The following LSM14A variants were observed in gnomAD, a reference collection of about 807,000 sequenced individuals.
LSM14A encodes the protein protein LSM14 homolog A.
LSM14A carries 14 observed loss-of-function variants against 52.4 expected under a neutral mutation model. The observed-to-expected ratio is 0.27, with a 90% CI of 0.18 to 0.42. The LOEUF is 0.42. Ranked by LOEUF, LSM14A falls within the 10% of genes least tolerant of loss-of-function variation. The pLI, the probability that LSM14A is intolerant of heterozygous loss-of-function variation, is 1.00. For missense variants in LSM14A, 417 were observed against 581.8 expected (o/e 0.72, Z 2.91); for synonymous variants, 185 against 200.3 (o/e 0.92, Z 0.64).
chr19:34,210,761 G>A lies in LSM14A; in HGVS notation c.538+1710G>A, dbSNP rs530957883. Among the ~76,000 whole-genome samples the A allele has an allele frequency of 1.3e-3, 201 of 150,978 alleles. 1 individual carries two copies. The highest frequency in any genetic ancestry group is 3.8e-3 in the African/African-American group (158 of 41,114). On this transcript the variant is annotated intron_variant, in intron 4 of 9. Transcript: ENST00000544216. ...CACCACCAGCTAGTTTTGTAGGGAC[G>A]GGGTTTCGCCATGTTGCCAAGGCTG...
In LSM14A at chr19:34,215,580, A is replaced by G. The variant is rs765774996; in HGVS notation, c.716-16A>G. The G allele has an allele frequency of 1.2e-6, 2 of 1,603,402 alleles. No individual in the cohort carries two copies. Among genetic ancestry groups the G allele is most frequent in the African/African-American group, 1.3e-5 (1 of 74,698 alleles). On this transcript the variant is annotated splice_polypyrimidine_tract_variant and intron_variant, in intron 5 of 9. Coordinates refer to ENST00000544216, the MANE Select transcript of LSM14A (RefSeq NM_015578.4). ...ACCCTGAGTTGATTTGGCACTTTGC[A>G]TGTCTTCTTCTGTAGCTGAAGTACA...
chr19:34,226,053 C>A (rs1479988602), intron 9 of LSM14A, among the ~76,000 whole-genome samples: 1 of 151,312 alleles, frequency 6.6e-6, no homozygotes, highest in Non-Finnish European at 1.5e-5. Flanking sequence ...CAGAGCGAGG[C>A]CTGTCTCAAA....
intron 1 of LSM14A, among the ~76,000 whole-genome samples, chr19:34,192,316 G>GTTTTTTTTTTGTTTTTTT (rs1306000214): frequency 3.0e-5 from 2 of 65,822 alleles, no homozygotes; most frequent in Non-Finnish European, 5.8e-5. Context: ...CATTCTTTTT[G>GTTTTTTTTTTGTTTTTTT]TTGTTTTTTT....
chr19:34,203,136 G>C (rs964459302), intron 3 of LSM14A, among the ~76,000 whole-genome samples: 2 of 148,876 alleles, frequency 1.3e-5, no homozygotes, highest in Non-Finnish European at 3.0e-5. Flanking sequence ...GTTAGAAAAA[G>C]GATTCATAGA....
chr19:34,182,824 A>G (rs1237922158), intron 1 of LSM14A, among the ~76,000 whole-genome samples: 1 of 144,692 alleles, frequency 6.9e-6, no homozygotes, highest in Admixed American at 7.0e-5. Context: ...AGCCTAAGCG[A>G]CAGTGAGACT....
At chr19:34,192,694 G>GCC (rs1339270300) in intron 1 of LSM14A, among the ~76,000 whole-genome samples, 3 of 147,938 alleles carry the variant, frequency 2.0e-5, no homozygotes, top group South Asian at 4.4e-4. Flanking sequence ...TACTAAGGGG[G>GCC]CCAGGCGCGG....
At chr19:34,192,777 C>T (rs1180444595) in intron 1 of LSM14A, among the ~76,000 whole-genome samples, 2 of 151,308 alleles carry the variant, frequency 1.3e-5, no homozygotes, top group African/African-American at 4.9e-5. Context: ...GAGTTCTAGA[C>T]CAGTCTGGCC....
At chr19:34,221,403 C>T (rs541386815) in intron 8 of LSM14A, 104 bp from the exon 9 acceptor site, 99 of 1,263,740 alleles carry the variant, frequency 7.8e-5, no homozygotes, top group Non-Finnish European at 1.0e-4. Flanking sequence ...TTCTAATTAG[C>T]TTTAGTAATT....
At chr19:34,214,182 TTTTG>T (rs569652862) in intron 4 of LSM14A, among the ~76,000 whole-genome samples, 2 of 152,304 alleles carry the variant, frequency 1.3e-5, no homozygotes, top group East Asian at 3.9e-4. Flanking sequence ...TTTGTTTGTT[TTTTG>T]GTTTTGTTTG....
chr19:34,196,972 AT>A (rs904729294), intron 3 of LSM14A, among the ~76,000 whole-genome samples: 37 of 150,296 alleles, frequency 2.5e-4, no homozygotes, highest in Admixed American at 2.7e-4. Flanking sequence ...ACAGAGTAAC[AT>A]TTTTTTTTAC....
chr19:34,190,642 C>T (rs1334293302), intron 1 of LSM14A, among the ~76,000 whole-genome samples: 1 of 150,826 alleles, frequency 6.6e-6, no homozygotes, highest in African/African-American at 2.4e-5. Context: ...TCTCTCCATT[C>T]ATTTTAATCT....
intron 9 of LSM14A, among the ~76,000 whole-genome samples, chr19:34,225,641 C>T (rs546861442): frequency 3.2e-4 from 49 of 152,254 alleles, no homozygotes; most frequent in Admixed American, 1.4e-3. Context: ...AGAATCTCTA[C>T]GCTACCACAC....
At chr19:34,210,898 G>C (rs2072094001) in intron 4 of LSM14A, among the ~76,000 whole-genome samples, 1 of 152,030 alleles carries the variant, frequency 6.6e-6, no homozygotes, top group Admixed American at 6.6e-5. Flanking sequence ...GTTAAATCAG[G>C]AACACATGAA....
At chr19:34,202,168 T>C (rs2071344773) in intron 3 of LSM14A, among the ~76,000 whole-genome samples, 1 of 148,922 alleles carries the variant, frequency 6.7e-6, no homozygotes, top group Non-Finnish European at 1.5e-5. Flanking sequence ...TTGGTTTGGT[T>C]TTTGTTTTGT....
intron 3 of LSM14A, among the ~76,000 whole-genome samples, chr19:34,199,245 C>T (rs934534706): frequency 2.0e-5 from 3 of 152,096 alleles, no homozygotes; most frequent in Non-Finnish European, 4.4e-5. Context: ...CCACCTCAAC[C>T]TCCCGAGTAG....
In LSM14A at chr19:34,194,754, GA is replaced by G; in HGVS notation, c.285+114del. ...TAGCTTATCATTTCCAAGTTACTGG[GA>G]TACCTGAAATTACTGGATAATGTTC... On this transcript the variant is annotated intron_variant, in intron 2 of 9. Transcript: ENST00000544216. The G allele has an allele frequency of 8.5e-6, 8 of 945,992 alleles. No individual in the cohort carries two copies. The South Asian group carries it at 1.0e-4, about 12-fold the overall frequency. The allele number at this position is 945,992 out of a possible 1,614,324, so 58.6% of individuals were successfully genotyped here.
At chr19:34,182,841 CAA>C (rs34045024) in intron 1 of LSM14A, among the ~76,000 whole-genome samples, 11 of 122,368 alleles carry the variant, frequency 9.0e-5, no homozygotes, top group East Asian at 2.6e-4. Context: ...GACTCCATCT[CAA>C]AAAAAAAAAA....
intron 1 of LSM14A, among the ~76,000 whole-genome samples, chr19:34,187,053 C>T (rs2069961401): frequency 6.7e-6 from 1 of 149,364 alleles, no homozygotes; most frequent in Admixed American, 6.7e-5. Context: ...TCCTGGCCAA[C>T]ATGGTGAAAC....
chr19:34,187,956 C>T (rs12151260), intron 1 of LSM14A, among the ~76,000 whole-genome samples: 4,554 of 151,868 alleles, frequency 0.03, 99 homozygotes, highest in Non-Finnish European at 0.041. Context: ...TTATTTCAAG[C>T]TAGAAATATA....
Sources: allele counts gnomAD v4.1 joint callset (sites outside exome capture counted in the v4.1 genomes callset), GRCh38; gene constraint gnomAD v4.1.1; transcripts MANE v1.5; gene names NCBI Gene and HGNC (gene_info 2026-07-23, HGNC 2026-07-21).